Variants in P3H1 observed in about 807,000 individuals in gnomAD.
The protein encoded by P3H1 is growth suppressor 1.
A neutral mutation model predicts 84.0 loss-of-function variants in P3H1; 69 were observed. The ratio of observed to expected loss-of-function variants is 0.82; its 90% CI spans 0.68 to 1.00. The LOEUF is 1.00. Among genes scored for constraint, P3H1 ranks in the 50% least tolerant of loss-of-function variants. The probability of loss-of-function intolerance (pLI) is 0.00; values close to 1 mark genes in which losing one functional copy is unlikely to be tolerated. For missense variants in P3H1, 878 were observed against 962.8 expected, an observed-to-expected ratio of 0.91 and a Z score of 1.17; for synonymous variants, 366 against 388.8, an observed-to-expected ratio of 0.94 and a Z score of 0.69.
chr1:42,762,130 A>C (rs1430786035), intron 2 of P3H1, 193 bp downstream of exon 2: 12 of 578,800 alleles, frequency 2.1e-5, no homozygotes, highest in Non-Finnish European at 3.7e-5. Context: ...TTAAAAAAAA[A>C]CAAAAGAATG....
Position 42,754,986 on chromosome 1 carries a change from C to G in P3H1, c.1228G>C (p.Glu410Gln). Residue 410 changes from glutamate (E) to glutamine (Q), a missense_variant, in exon 8 of 15, where the codon GAA (glutamate) becomes CAA (glutamine). Glu to Gln is a conservative substitution (Grantham distance 29). Transcript: ENST00000296388. The surrounding 1 kb of genome is among the most constrained non-coding windows in gnomAD (Gnocchi z 4.0). ...PKRLQEKQKSERETAVRISQE... is the reference protein window; with the variant it reads ...PKRLQEKQKSQRETAVRISQE... ...GAGATGCGTACGGCTGTTTCCCGTTCTGACCTATGAGCACAGCCGCTCTGA... is the reference window on the plus strand; with the variant it reads ...GAGATGCGTACGGCTGTTTCCCGTTGTGACCTATGAGCACAGCCGCTCTGA... The G allele has an allele frequency of 6.2e-7, 1 of 1,614,212 alleles. No individual in the cohort carries two copies. Among genetic ancestry groups the G allele is most frequent in the Non-Finnish European group, 8.5e-7 (1 of 1,180,052 alleles).
chr1:42,747,888 G>A, intron 12 of P3H1, 90 bp from the exon 13 acceptor site: 1 of 1,283,920 alleles, frequency 7.8e-7, no homozygotes, highest in Non-Finnish European at 1.1e-6. Flanking sequence ...CCAGCAGCAG[G>A]AGGGTGGCTT....
chr1:42,759,040 C>G, intron 3 of P3H1, 57 bp from the exon 4 acceptor site: 1 of 1,609,538 alleles, frequency 6.2e-7, no homozygotes, highest in South Asian at 1.1e-5. Context: ...AACTCAAATT[C>G]TGGTTAAGAT....
Position 42,754,732 on chromosome 1 carries a change from A to T in P3H1, c.1345+137T>A. 9.2e-7 allele frequency: 1 copy of T among 1,089,304 alleles called. No homozygotes were observed. The highest frequency in any genetic ancestry group is 1.4e-6 in the Non-Finnish European group (1 of 724,050). 67.5% of individuals were successfully genotyped at this position (1,089,304 alleles called of 1,614,324 possible). A position where few individuals can be genotyped will look rare whatever the true frequency, so the allele number is the denominator to read the frequency against. ...CGCTGGTGAGTTAGGAAGGATGTCC[A>T]CTGAACTTGCACCCTAAGGGTGGCT... is the stretch of plus-strand genomic sequence containing the variant. On this transcript the variant is annotated intron_variant, in intron 8 of 14. Transcript: ENST00000296388. This position sits in a 1 kb window ranked among gnomAD's most constrained non-coding sequence, Gnocchi z 4.0.
At chr1:42,755,044 C>T (rs1652316620) in intron 7 of P3H1, 54 bp from the exon 8 acceptor site, 1 of 1,614,054 alleles carries the variant, frequency 6.2e-7, no homozygotes, top group South Asian at 1.1e-5. Context: ...CTGGGCTCCA[C>T]CCCGACTTCC....
rs1453534527 is a variant in P3H1, at chr1:42,754,295, C to T, written c.1345+574G>A. Reference sequence around the variant, plus strand: ...AAAGGCTGGGGAGAGAGCTGAGAAGCACTGCAGAGCAGAGCCACAATCAGT... The same window carrying T: ...AAAGGCTGGGGAGAGAGCTGAGAAGTACTGCAGAGCAGAGCCACAATCAGT... On this transcript the variant is annotated intron_variant, in intron 8 of 14. Coordinates refer to ENST00000296388, the MANE Select transcript of P3H1 (RefSeq NM_022356.4). The surrounding 1 kb of genome is among the most constrained non-coding windows in gnomAD (Gnocchi z 4.0). 6.6e-6 allele frequency among the ~76,000 whole-genome samples: 1 copy of T among 152,148 alleles called. No homozygotes were observed. The highest frequency in any genetic ancestry group is 1.5e-5 in the Non-Finnish European group (1 of 68,038).
chr1:42,756,329 C>G (rs1481727512), intron 5 of P3H1: 1 of 153,428 alleles, frequency 6.5e-6, no homozygotes, highest in African/African-American at 2.4e-5. Flanking sequence ...ACACCCCTCC[C>G]TGAGGATAAG....
Position 42,746,673 on chromosome 1 carries a change from C to G in P3H1, c.*24G>C, listed in dbSNP as rs1651724255. On this transcript the variant is annotated 3_prime_UTR_variant, in exon 15 of 15. Transcript: ENST00000296388. ...GAGTTCCTCTCCATGGGTCTAGTCA[C>G]CCATCCGTCTGACCTGGACGCTGTC... 1.3e-6 allele frequency: 2 copies of G among 1,531,404 alleles called. No individual in the cohort carries two copies. Among genetic ancestry groups the G allele is most frequent in the Admixed American group, 2.0e-5 (1 of 50,994 alleles). The allele number at this position is 1,531,404 out of a possible 1,614,324, so 94.9% of individuals were successfully genotyped here.
In P3H1 at chr1:42,766,507, C is replaced by T; in HGVS notation, c.465G>A (p.Lys155=). The T allele has an allele frequency of 1.9e-6, 3 of 1,608,530 alleles. No homozygotes were observed. Among genetic ancestry groups the T allele is most frequent in the Non-Finnish European group, 2.5e-6 (3 of 1,177,950 alleles). Residue 155 remains lysine, a splice_region_variant and synonymous_variant, in exon 1 of 15, where the codon AAG becomes AAA. Coordinates refer to ENST00000296388, the MANE Select transcript of P3H1 (RefSeq NM_022356.4). ...PYNYLQVAYF[K]INKLEKAVAA... ...CGCCTGGTTCCAGGCAGGTCTGCACCTTGAAGTAGGCGACCTGCAGGTAGT... is the reference window on the plus strand; with the variant it reads ...CGCCTGGTTCCAGGCAGGTCTGCACTTTGAAGTAGGCGACCTGCAGGTAGT...
In P3H1 at chr1:42,747,698, G is replaced by A. The variant is rs1263377138; in HGVS notation, c.1914+25C>T. ...TAGAAAACAGACTTTTTATCTCCCA[G>A]GGACAAGGACAAGGGAGCACTCACC... On this transcript the variant is annotated intron_variant, in intron 13 of 14. Coordinates refer to ENST00000296388, the MANE Select transcript of P3H1 (RefSeq NM_022356.4). The A allele has an allele frequency of 3.1e-6, 5 of 1,611,886 alleles. No homozygotes were observed. The Admixed American group carries it at 6.7e-5, about 21-fold the overall frequency.
chr1:42,760,428 C>A (rs1440355242), intron 2 of P3H1: 1 of 152,020 alleles, frequency 6.6e-6, no homozygotes, highest in African/African-American at 2.4e-5. Context: ...CTCACTGTAA[C>A]CTCCACCTCC....
chr1:42,755,089 ACATCTGCCTGGGCT>A (rs1490040881), intron 7 of P3H1, 62 bp downstream of exon 7: 1 of 1,612,820 alleles, frequency 6.2e-7, no homozygotes, highest in African/African-American at 1.3e-5. Flanking sequence ...CCAGGAGTTC[ACATCTGCCTGGGCT>A]CAGGAAGCCT....
intron 2 of P3H1, chr1:42,760,104 C>A (rs770614272): frequency 1.3e-5 from 2 of 152,452 alleles, no homozygotes; most frequent in African/African-American, 2.4e-5. Context: ...CCTGCCTCAG[C>A]CTCCAGAGTA....
chr1:42,750,359 G>A (rs751714061), intron 10 of P3H1, 23 bp from the exon 11 acceptor site: 2 of 1,613,504 alleles, frequency 1.2e-6, no homozygotes, highest in Non-Finnish European at 1.7e-6. Flanking sequence ...CAGATGGTCA[G>A]CTGCCCTCAA....
At chr1:42,759,434 A>C (rs750401806) in intron 2 of P3H1, 44 bp from the exon 3 acceptor site, 2 of 1,566,810 alleles carry the variant, frequency 1.3e-6, no homozygotes. Context: ...ACAGAGGAGG[A>C]ACCCTCTCTC....
intron 10 of P3H1, among the ~76,000 whole-genome samples, chr1:42,751,142 GA>G (rs1443672433): frequency 1.4e-5 from 2 of 138,248 alleles, no homozygotes; most frequent in Non-Finnish European, 3.1e-5. Flanking sequence ...GAAGGGTGGG[GA>G]AAAAATTGAG....
In P3H1 at chr1:42,754,605, A is replaced by G. The variant is rs374676589; in HGVS notation, c.1345+264T>C. Among the ~76,000 whole-genome samples, 14 of 152,098 alleles carry G rather than the reference A, an allele frequency of 9.2e-5. No homozygotes were observed. In the East Asian group the frequency reaches 1.9e-3, roughly 21 times the overall value. On this transcript the variant is annotated intron_variant, in intron 8 of 14. Transcript: ENST00000296388. The surrounding 1 kb of genome is among the most constrained non-coding windows in gnomAD (Gnocchi z 4.0). ...TGGGCTCAAGCGATCCTCCTGCCTC[A>G]GCCTGCCAAGTAGCTGGGATTACGG...
chr1:42,764,423 CAA>C (rs769981372), intron 1 of P3H1, among the ~76,000 whole-genome samples: 4 of 84,922 alleles, frequency 4.7e-5, no homozygotes, highest in Non-Finnish European at 7.0e-5. Flanking sequence ...GACTCCATCT[CAA>C]AAAAAAAAAA....
rs1320335758 is a variant in P3H1, at chr1:42,759,403, AGG to A, written c.619-15_619-14del. ...GTCGAAATTCTTGCTACTGGGAAGA[AGG>A]AGCACTCAAATGCAGGCCACAGAGG... is the stretch of plus-strand genomic sequence containing the variant. On this transcript the variant is annotated splice_polypyrimidine_tract_variant and intron_variant, in intron 2 of 14. Transcript: ENST00000296388. The A allele has an allele frequency of 6.2e-7, 1 of 1,613,510 alleles. No homozygotes were observed. Among genetic ancestry groups the A allele is most frequent in the Non-Finnish European group, 8.5e-7 (1 of 1,179,578 alleles).
Sources: allele counts gnomAD v4.1 joint callset (sites outside exome capture counted in the v4.1 genomes callset), GRCh38; gene constraint gnomAD v4.1.1; non-coding constraint Gnocchi (gnomAD v3.1); transcripts MANE v1.5; gene names NCBI Gene and HGNC (gene_info 2026-07-23, HGNC 2026-07-21).